NREP: variants seen among roughly 807,000 people sequenced by gnomAD.
NREP encodes neuronal regeneration related protein.
A neutral mutation model predicts 8.6 loss-of-function variants in NREP; 5 were observed. That is an observed-to-expected ratio of 0.58 (90% confidence interval 0.30 to 1.22). NREP has a LOEUF of 1.22. Ranked by LOEUF, NREP falls within the 50% of genes most tolerant of loss-of-function variation. NREP has a pLI of 0.07. For missense variants in NREP, 86 were observed against 82.5 expected, an observed-to-expected ratio of 1.04 and a Z score of -0.17; for synonymous variants, 27 against 28.0, an observed-to-expected ratio of 0.96 and a Z score of 0.11.
chr5:111,968,706 C>G (rs77486408), intron 2 of NREP, among the ~76,000 whole-genome samples: 1 of 152,112 alleles, frequency 6.6e-6, no homozygotes, highest in Non-Finnish European at 1.5e-5. Flanking sequence ...GTGATGCATG[C>G]CCTAGCCCCA....
intron 2 of NREP, among the ~76,000 whole-genome samples, chr5:111,746,830 T>G (rs533682349): frequency 2.4e-4 from 37 of 152,276 alleles, no homozygotes; most frequent in Admixed American, 8.5e-4. Flanking sequence ...AAATTCTAAT[T>G]CTGTTAACAA....
chr5:111,878,187 T>C (rs763117028), intron 2 of NREP, among the ~76,000 whole-genome samples: 2 of 152,240 alleles, frequency 1.3e-5, no homozygotes, highest in Non-Finnish European at 1.5e-5. Flanking sequence ...TTTTCTGTTA[T>C]GTCTGCTAAA....
intron 2 of NREP, chr5:111,739,664 T>C (rs973378201): frequency 9.9e-5 from 15 of 152,154 alleles, no homozygotes; most frequent in African/African-American, 3.6e-4. Flanking sequence ...TCATTCATTG[T>C]CTGAATTCAA....
At chr5:111,859,469 C>T (rs144971345) in intron 2 of NREP, among the ~76,000 whole-genome samples, 1 of 152,054 alleles carries the variant, frequency 6.6e-6, no homozygotes, top group African/African-American at 2.4e-5. Context: ...GCCAGGGCAG[C>T]TCTGTCCCAT....
intron 2 of NREP, among the ~76,000 whole-genome samples, chr5:111,844,535 T>C (rs1162834855): frequency 6.6e-6 from 1 of 151,078 alleles, no homozygotes; most frequent in African/African-American, 2.4e-5. Flanking sequence ...TAATATTTAA[T>C]AGGAAATACA....
At position 111,795,893 on chromosome 5, in the gene NREP, C is replaced by T. The variant is rs182340817; in HGVS notation, c.136-60386G>A. Among the ~76,000 whole-genome samples the T allele has an allele frequency of 1.7e-3, 266 of 152,268 alleles. 2 individuals are homozygous for T. Among genetic ancestry groups the T allele is most frequent in the African/African-American group, 6.1e-3 (255 of 41,558 alleles). On this transcript the variant is annotated intron_variant, in intron 2 of 3. Coordinates refer to the NREP transcript ENST00000395634. Reference sequence around the variant, plus strand: ...TATGAGGTATGTGCTTTCATTATTCCCATTGTGCAGATAGAAGCACTGAGG... The same window carrying T: ...TATGAGGTATGTGCTTTCATTATTCTCATTGTGCAGATAGAAGCACTGAGG...
chr5:111,901,240 C>T lies in NREP; in HGVS notation c.135+74034G>A, dbSNP rs368720369. ...AATGATCATAAAACAGATTTATTCACGAAGGATGTTGAATTTAATTACTTT... is the reference window on the plus strand; with the variant it reads ...AATGATCATAAAACAGATTTATTCATGAAGGATGTTGAATTTAATTACTTT... On this transcript the variant is annotated intron_variant, in intron 2 of 3. Transcript: ENST00000395634. Among the ~76,000 whole-genome samples, 22 of 152,158 alleles carry T rather than the reference C, an allele frequency of 1.4e-4. No homozygotes were observed. The South Asian group carries it at 2.3e-3, about 16-fold the overall frequency.
intron 2 of NREP, among the ~76,000 whole-genome samples, chr5:111,768,292 C>G (rs980610794): frequency 2.6e-5 from 4 of 151,820 alleles, no homozygotes; most frequent in African/African-American, 9.7e-5. Flanking sequence ...GGATTTTGTG[C>G]CTTTTTGGTT....
chr5:111,881,014 AG>A (rs1238543024), intron 2 of NREP, among the ~76,000 whole-genome samples: 1 of 152,224 alleles, frequency 6.6e-6, no homozygotes, highest in Admixed American at 6.5e-5. Context: ...GAGCCGAAGC[AG>A]GGCGAGGCAT....
At chr5:111,857,475 T>G (rs1298475742) in intron 2 of NREP, among the ~76,000 whole-genome samples, 1 of 152,160 alleles carries the variant, frequency 6.6e-6, no homozygotes, top group Admixed American at 6.6e-5. Flanking sequence ...ATGAAGCATT[T>G]TCCATAAATA....
At chr5:111,903,471 T>C (rs1213547591) in intron 2 of NREP, among the ~76,000 whole-genome samples, 1 of 152,160 alleles carries the variant, frequency 6.6e-6, no homozygotes, top group Non-Finnish European at 1.5e-5. Flanking sequence ...TTAATTTGAA[T>C]AGAGGAGTCA....
chr5:111,735,044 G>C, intron 3 of NREP: 1 of 342,840 alleles, frequency 2.9e-6, no homozygotes. Flanking sequence ...TTGCTTCATG[G>C]ATAATCTTAT....
chr5:111,874,851 A>G (rs1159268093), intron 2 of NREP, among the ~76,000 whole-genome samples: 4 of 152,132 alleles, frequency 2.6e-5, no homozygotes, highest in Non-Finnish European at 4.4e-5. Context: ...GATGATTCAG[A>G]TAGGCTTGGA....
chr5:111,755,427 T>G (rs1750636594), intron 2 of NREP: 1 of 288,048 alleles, frequency 3.5e-6, no homozygotes, highest in South Asian at 4.5e-5. Flanking sequence ...AGGCTTTGTT[T>G]GAGCCCTACT....
chr5:111,868,663 G>C (rs1341956792), intron 2 of NREP, among the ~76,000 whole-genome samples: 2 of 152,096 alleles, frequency 1.3e-5, no homozygotes, highest in African/African-American at 2.4e-5. Context: ...GCACTTAGCT[G>C]GTCCATTTTC....
chr5:111,892,779 T>C (rs1754425031), intron 2 of NREP, among the ~76,000 whole-genome samples: 1 of 152,050 alleles, frequency 6.6e-6, no homozygotes, highest in Admixed American at 6.6e-5. Context: ...CTCTGGAGAC[T>C]TAGTGCCACA....
intron 2 of NREP, among the ~76,000 whole-genome samples, chr5:111,836,182 T>C (rs946461982): frequency 5.3e-5 from 8 of 152,178 alleles, no homozygotes; most frequent in African/African-American, 1.9e-4. Flanking sequence ...AAAAAGAACA[T>C]AAACCTTGGT....
intron 2 of NREP, among the ~76,000 whole-genome samples, chr5:111,904,495 T>C (rs1024705915): frequency 9.9e-5 from 15 of 152,164 alleles, no homozygotes; most frequent in Admixed American, 5.2e-4. Flanking sequence ...TGTCATATCA[T>C]TGGAATTATA....
At chr5:111,735,905 G>A (rs1198594638) in intron 2 of NREP, among the ~76,000 whole-genome samples, 1 of 152,146 alleles carries the variant, frequency 6.6e-6, no homozygotes, top group Non-Finnish European at 1.5e-5. Flanking sequence ...TTTATTAGAA[G>A]GCCAAAGATT....
Sources: gnomAD v4.1 joint callset for allele counts (sites outside exome capture counted in the v4.1 genomes callset) on GRCh38, gnomAD v4.1.1 for gene constraint, MANE v1.5 for transcripts, NCBI Gene and HGNC (gene_info 2026-07-23, HGNC 2026-07-21) for gene names.